The following UNC13C variants were observed in gnomAD, a reference collection of about 807,000 sequenced individuals.
The protein encoded by UNC13C is unc-13 homolog C, also known as protein unc-13 homolog C.
Under a neutral mutation model 245.4 loss-of-function variants are expected in UNC13C, and 174 were observed. The observed-to-expected ratio is 0.71, with a 90% CI of 0.63 to 0.80. The LOEUF is 0.80. Ranked by LOEUF, UNC13C falls within the 30% of genes least tolerant of loss-of-function variation. The pLI is 0.00. For missense variants in UNC13C, 2,829 were observed against 2,602.9 expected (o/e 1.09, Z -1.89); for synonymous variants, 992 against 895.1 (o/e 1.11, Z -1.93).
rs113039411 is a variant in UNC13C at position 54,366,356 on chromosome 15, A to G, written c.4714-26692A>G. Among the ~76,000 whole-genome samples, 1,431 of 152,314 alleles carry G rather than the reference A, an allele frequency of 9.4e-3. 26 individuals carry two copies. The highest frequency in any genetic ancestry group is 0.033 in the African/African-American group (1,352 of 41,574). On this transcript the variant is annotated intron_variant, in intron 17 of 32. Coordinates refer to ENST00000260323, the MANE Select transcript of UNC13C (RefSeq NM_001080534.3). ...TTTTCCTTATGGTTTTACAGATATGAATTGTAATCATGCTTTGTACTTTGC... is the reference window on the plus strand; with the variant it reads ...TTTTCCTTATGGTTTTACAGATATGGATTGTAATCATGCTTTGTACTTTGC...
chr15:54,396,919 C>T (rs1407975761), intron 18 of UNC13C, among the ~76,000 whole-genome samples: 4 of 150,752 alleles, frequency 2.7e-5, no homozygotes, highest in Non-Finnish European at 5.9e-5. Context: ...AGATAAAAGT[C>T]TGTCATCAGA....
At chr15:54,011,262 A>T (rs1897042) in intron 1 of UNC13C, among the ~76,000 whole-genome samples, 95,099 of 151,976 alleles carry the variant, frequency 0.63, 29,841 homozygotes, top group South Asian at 0.69. Flanking sequence ...TTCGCATTGA[A>T]CTTTCCCGCT....
intron 10 of UNC13C, among the ~76,000 whole-genome samples, chr15:54,269,381 A>G (rs2036628110): frequency 6.6e-6 from 1 of 152,126 alleles, no homozygotes; most frequent in Admixed American, 6.6e-5. Flanking sequence ...CCTGAATTTG[A>G]TTGATAAGCC....
chr15:54,075,004 T>C (rs1898519503), intron 2 of UNC13C, among the ~76,000 whole-genome samples: 1 of 152,144 alleles, frequency 6.6e-6, no homozygotes, highest in Non-Finnish European at 1.5e-5. Flanking sequence ...TGTAGGTTTT[T>C]AGTATCATCA....
intron 17 of UNC13C, among the ~76,000 whole-genome samples, chr15:54,387,374 C>T (rs2039861426): frequency 6.6e-6 from 1 of 152,112 alleles, no homozygotes; most frequent in Non-Finnish European, 1.5e-5. Context: ...AGATAACTTC[C>T]AGGCATTGCC....
At chr15:54,531,742 C>T (rs879243075) in intron 25 of UNC13C, among the ~76,000 whole-genome samples, 12 of 151,724 alleles carry the variant, frequency 7.9e-5, no homozygotes, top group South Asian at 4.1e-4. Flanking sequence ...AGCATATTCA[C>T]GGAATTGTGC....
Position 54,143,040 on chromosome 15 carries a change from G to A in UNC13C, c.3006G>A (p.Lys1002=), listed in dbSNP as rs374238210. 7 of 1,611,064 alleles carry A rather than the reference G, an allele frequency of 4.3e-6. No homozygotes were observed. The Admixed American group carries it at 6.7e-5, about 15-fold the overall frequency. ...CAGATAGCAGTTCTGTGGATGAAAA[G>A]GTTTTAAATCATACTTATTCTTCCC... ...LAGDSSSVDE[K]ARIVSGNDLD... Residue 1002 remains lysine, a splice_region_variant and synonymous_variant, in exon 3 of 33, where the codon AAG becomes AAA. Transcript: ENST00000260323.
Position 54,500,618 on chromosome 15 carries a change from G to A in UNC13C, c.5158-217G>A, listed in dbSNP as rs115194924. 4.7e-3 allele frequency among the ~76,000 whole-genome samples: 723 copies of A among 152,232 alleles called. 7 individuals are homozygous for A. The highest frequency in any genetic ancestry group is 0.017 in the African/African-American group (703 of 41,540). On this transcript the variant is annotated intron_variant, in intron 21 of 32. Transcript: ENST00000260323. ...AAAGAACCAGTACCTCAATTCAGCAGTGGAAAAACCAATTAGCAGTAGCTT... is the reference window on the plus strand; with the variant it reads ...AAAGAACCAGTACCTCAATTCAGCAATGGAAAAACCAATTAGCAGTAGCTT...
intron 19 of UNC13C, among the ~76,000 whole-genome samples, chr15:54,455,297 C>A (rs113279352): frequency 7.1e-6 from 1 of 141,472 alleles, no homozygotes; most frequent in Non-Finnish European, 1.5e-5. Flanking sequence ...TTTTTGCAAT[C>A]GCAAATTGTG....
chr15:54,610,131 T>C (rs954384619), intron 30 of UNC13C, among the ~76,000 whole-genome samples: 1 of 152,152 alleles, frequency 6.6e-6, no homozygotes, highest in Non-Finnish European at 1.5e-5. Context: ...ATAGATCTTA[T>C]CTTATATACA....
chr15:54,014,588 A>G lies in UNC13C; in HGVS notation c.1685A>G (p.Glu562Gly). ...TCCAAATTGTGTCAGTCTTACTCAG[A>G]AGATTTTTCAGAAAATCAGTTTTTC... ...DFSKLCQSYS[E>G]DFSENQFFTR... The change falls in exon 2 of 33, where the codon GAA (glutamate) becomes GGA (glycine). Residue 562 changes from glutamate to glycine, a missense_variant. By Grantham distance (98) the Glu-to-Gly change is moderately conservative. Transcript: ENST00000260323. 6 of 1,613,748 alleles carry G rather than the reference A, an allele frequency of 3.7e-6. No individual in the cohort carries two copies. Among genetic ancestry groups the G allele is most frequent in the Non-Finnish European group, 5.1e-6 (6 of 1,179,798 alleles).
chr15:53,880,488 A>T, the UNC13C span, among the ~76,000 whole-genome samples: 1 of 152,108 alleles, frequency 6.6e-6, no homozygotes, highest in East Asian at 1.9e-4. Flanking sequence ...GCAGTGATTT[A>T]GAATACAACG....
chr15:54,307,031 A>T (rs570595523), intron 13 of UNC13C, among the ~76,000 whole-genome samples: 5 of 152,146 alleles, frequency 3.3e-5, no homozygotes, highest in Admixed American at 1.3e-4. Context: ...GTGAACAAGA[A>T]GTCAGTCTAG....
chr15:53,852,771 C>G, the UNC13C span, among the ~76,000 whole-genome samples: 1 of 152,070 alleles, frequency 6.6e-6, no homozygotes, highest in East Asian at 1.9e-4. Context: ...TGTTTATTTT[C>G]TATCTATTTT....
chr15:54,532,877 TG>T, intron 25 of UNC13C, 39 bp from the exon 26 acceptor site: 1 of 1,361,880 alleles, frequency 7.3e-7, no homozygotes, highest in Non-Finnish European at 1.0e-6. Flanking sequence ...TCAGGCAAAA[TG>T]TATTCTTATA....
At chr15:53,999,986 C>T (rs1390951951) in intron 1 of UNC13C, among the ~76,000 whole-genome samples, 1 of 151,926 alleles carries the variant, frequency 6.6e-6, no homozygotes, top group African/African-American at 2.4e-5. Flanking sequence ...GAGCTCTGTG[C>T]ATATGAATAA....
chr15:54,309,350 T>C (rs1238599225), intron 13 of UNC13C, among the ~76,000 whole-genome samples: 1 of 151,954 alleles, frequency 6.6e-6, no homozygotes, highest in South Asian at 2.1e-4. Context: ...TTAATCATGT[T>C]ATTTGTTTTC....
At chr15:53,887,943 C>A in the UNC13C span, among the ~76,000 whole-genome samples, 1 of 152,128 alleles carries the variant, frequency 6.6e-6, no homozygotes, top group African/African-American at 2.4e-5. Flanking sequence ...TTTCTTTATC[C>A]AGTCTATCAT....
chr15:54,073,064 A>G (rs982591478), intron 2 of UNC13C, among the ~76,000 whole-genome samples: 7 of 151,676 alleles, frequency 4.6e-5, no homozygotes, highest in Admixed American at 6.6e-5. Context: ...CTGGTATGTG[A>G]TGTTCCCCTC....
Sources: gnomAD v4.1 joint callset for allele counts (sites outside exome capture counted in the v4.1 genomes callset) on GRCh38, gnomAD v4.1.1 for gene constraint, MANE v1.5 for transcripts, NCBI Gene and HGNC (gene_info 2026-07-23, HGNC 2026-07-21) for gene names.